The following NPAS3 variants were observed in gnomAD, a reference collection of about 807,000 sequenced individuals.
NPAS3 encodes neuronal PAS domain-containing protein 3.
A neutral mutation model predicts 73.1 loss-of-function variants in NPAS3; 14 were observed. The observed-to-expected ratio is 0.19, with a 90% CI of 0.13 to 0.30. The LOEUF (loss-of-function observed/expected upper bound fraction) is 0.30. Among genes scored for constraint, NPAS3 ranks in the 10% least tolerant of loss-of-function variants. The pLI, the probability that NPAS3 is intolerant of heterozygous loss-of-function variation, is 1.00. For synonymous variants in NPAS3, 620 were observed against 541.5 expected, an observed-to-expected ratio of 1.14 and a Z score of -2.01; for missense variants, 1,096 against 1,250.0, an observed-to-expected ratio of 0.88 and a Z score of 1.86.
intron 7 of NPAS3, among the ~76,000 whole-genome samples, chr14:33,746,887 C>A (rs1328460300): frequency 6.8e-6 from 1 of 146,914 alleles, no homozygotes; most frequent in Non-Finnish European, 1.5e-5. Context: ...AATGCTATCC[C>A]TCCCCCGTCC....
At chr14:33,308,612 A>G (rs2042879840) in intron 3 of NPAS3, among the ~76,000 whole-genome samples, 1 of 150,180 alleles carries the variant, frequency 6.7e-6, no homozygotes, top group African/African-American at 2.5e-5. Flanking sequence ...ACACTTGTGC[A>G]CACACACACC....
Position 33,563,517 on chromosome 14 carries a change from T to TACACACACACACACACACACACAC in NPAS3, c.558+3328_558+3329insCACACACACACACACACACACACA, listed in dbSNP as rs146854404. Among the ~76,000 whole-genome samples the TACACACACACACACACACACACAC allele has an allele frequency of 1.4e-3, 146 of 106,888 alleles. 5 individuals are homozygous for TACACACACACACACACACACACAC. Among genetic ancestry groups the TACACACACACACACACACACACAC allele is most frequent in the South Asian group, 3.1e-3 (10 of 3,246 alleles). 70.1% of individuals were successfully genotyped at this position (106,888 alleles called of 152,430 possible). On this transcript the variant is annotated intron_variant, in intron 5 of 11. Transcript: ENST00000356141. The stretch of plus-strand genomic sequence containing the variant: ...CTTGACTTTGCCAGATACACATACA[T>TACACACACACACACACACACACAC]ACACACACACACACACACACAGAGA...
chr14:33,784,592 T>C (rs377490058), intron 9 of NPAS3, among the ~76,000 whole-genome samples: 3 of 152,078 alleles, frequency 2.0e-5, no homozygotes, highest in African/African-American at 4.8e-5. Flanking sequence ...ACACATGATC[T>C]TTTCTGTCTC....
At chr14:33,482,284 C>A (rs1481653884) in intron 4 of NPAS3, among the ~76,000 whole-genome samples, 2 of 151,988 alleles carry the variant, frequency 1.3e-5, no homozygotes, top group African/African-American at 4.8e-5. Context: ...ACATTCGAAC[C>A]TTTAGATAAG....
intron 4 of NPAS3, among the ~76,000 whole-genome samples, chr14:33,478,119 C>T (rs76222239): frequency 0.015 from 2,349 of 152,146 alleles, 67 homozygotes; most frequent in African/African-American, 0.053. Context: ...AGAGAAAAAA[C>T]GGAGAGGAAA....
intron 1 of NPAS3, among the ~76,000 whole-genome samples, chr14:33,030,284 C>A (rs1198143780): frequency 6.6e-6 from 1 of 151,908 alleles, no homozygotes; most frequent in African/African-American, 2.4e-5. Flanking sequence ...CAGTGATTGC[C>A]GAAATGGTAA....
intron 5 of NPAS3, among the ~76,000 whole-genome samples, chr14:33,626,752 G>C (rs969212025): frequency 6.6e-6 from 1 of 152,160 alleles, no homozygotes; most frequent in East Asian, 1.9e-4. Flanking sequence ...AGTGGAGGGA[G>C]ATAGATAGAC....
intron 1 of NPAS3, among the ~76,000 whole-genome samples, chr14:32,970,351 G>T (rs1289333763): frequency 6.6e-6 from 1 of 152,076 alleles, no homozygotes; most frequent in Non-Finnish European, 1.5e-5. Context: ...CCAACTCAGA[G>T]ACCTAACATA....
In NPAS3 at chr14:33,728,322, G is replaced by A. The variant is rs1021775624; in HGVS notation, c.734-6892G>A. Among the ~76,000 whole-genome samples the A allele has an allele frequency of 7.2e-5, 11 of 152,126 alleles. No individual in the cohort carries two copies. The South Asian group carries it at 8.3e-4, about 11-fold the overall frequency. On this transcript the variant is annotated intron_variant, in intron 6 of 11. Transcript: ENST00000356141. ...ATATTTTAGGTGGGTTATTTTTAACGTTACTGTTAAAGAAGGTTATTACAT... is the reference window on the plus strand; with the variant it reads ...ATATTTTAGGTGGGTTATTTTTAACATTACTGTTAAAGAAGGTTATTACAT...
intron 1 of NPAS3, among the ~76,000 whole-genome samples, chr14:33,043,942 A>G (rs1294727463): frequency 6.6e-6 from 1 of 152,214 alleles, no homozygotes; most frequent in African/African-American, 2.4e-5. Flanking sequence ...CATTGCCTCA[A>G]GTACAATTTC....
chr14:33,702,441 A>C (rs2060548040), intron 6 of NPAS3, among the ~76,000 whole-genome samples: 1 of 152,226 alleles, frequency 6.6e-6, no homozygotes, highest in African/African-American at 2.4e-5. Flanking sequence ...TTATTCTATA[A>C]ATATACCACA....
chr14:33,763,846 T>G (rs1190230117), intron 7 of NPAS3, among the ~76,000 whole-genome samples: 5 of 85,470 alleles, frequency 5.9e-5, no homozygotes, highest in East Asian at 3.9e-4. Flanking sequence ...GGAGTATTGG[T>G]TTTTTTTTTT....
intron 6 of NPAS3, among the ~76,000 whole-genome samples, chr14:33,683,152 C>A (rs138951456): frequency 2.0e-4 from 30 of 152,100 alleles, no homozygotes; most frequent in African/African-American, 5.5e-4. Flanking sequence ...TGCAGGGTAG[C>A]AAATGTTTTG....
At position 33,210,196 on chromosome 14, in the gene NPAS3, T is replaced by A. The variant is rs189445287; in HGVS notation, c.141-4986T>A. On this transcript the variant is annotated intron_variant, in intron 2 of 11. Coordinates refer to ENST00000356141, the Ensembl canonical transcript of NPAS3. ...AACCACAAAGGATAACTTACCTCTT[T>A]TAATTAAATAAGTCATCAAGTCCAA... Among the ~76,000 whole-genome samples, 4 of 152,324 alleles carry A rather than the reference T, an allele frequency of 2.6e-5. No individual in the cohort carries two copies. The East Asian group carries it at 7.7e-4, about 29-fold the overall frequency.
chr14:33,706,602 T>C (rs1218875135), intron 6 of NPAS3, among the ~76,000 whole-genome samples: 1 of 152,126 alleles, frequency 6.6e-6, no homozygotes, highest in Non-Finnish European at 1.5e-5. Flanking sequence ...GCCTTAAATA[T>C]AAAATCTAAA....
chr14:33,480,946 G>A (rs1216495977), intron 4 of NPAS3, among the ~76,000 whole-genome samples: 1 of 152,030 alleles, frequency 6.6e-6, no homozygotes, highest in Non-Finnish European at 1.5e-5. Context: ...AATAGGAGAG[G>A]AGGGAGAGAG....
intron 7 of NPAS3, among the ~76,000 whole-genome samples, chr14:33,742,049 G>A (rs377191099): frequency 3.3e-5 from 5 of 152,082 alleles, no homozygotes; most frequent in African/African-American, 9.7e-5. Flanking sequence ...TAATGCCTCT[G>A]TAAATACCTT....
chr14:33,519,751 T>A (rs2053475248), intron 4 of NPAS3, among the ~76,000 whole-genome samples: 2 of 152,122 alleles, frequency 1.3e-5, no homozygotes, highest in African/African-American at 4.8e-5. Flanking sequence ...CACGTTCACA[T>A]TCCTAGTCAT....
At chr14:33,469,157 C>A (rs983276725) in intron 4 of NPAS3, among the ~76,000 whole-genome samples, 3 of 152,026 alleles carry the variant, frequency 2.0e-5, no homozygotes, top group African/African-American at 7.2e-5. Flanking sequence ...TGCCCTTAGT[C>A]AAGGGATGAG....
Sources: gnomAD v4.1 joint callset for allele counts (sites outside exome capture counted in the v4.1 genomes callset) on GRCh38, gnomAD v4.1.1 for gene constraint, MANE v1.5 for transcripts, NCBI Gene and HGNC (gene_info 2026-07-23, HGNC 2026-07-21) for gene names.